Variants in TSPEAR observed in about 807,000 individuals in gnomAD.
The protein encoded by TSPEAR is thrombospondin type laminin G domain and EAR repeats.
In TSPEAR, 69 loss-of-function variants were observed where a neutral mutation model predicts 71.6. The observed-to-expected ratio is 0.96, with a 90% CI of 0.79 to 1.18. The LOEUF (loss-of-function observed/expected upper bound fraction) is 1.18. Among genes scored for constraint, TSPEAR ranks in the 50% most tolerant of loss-of-function variants. The pLI is 0.00. For synonymous variants in TSPEAR, 402 were observed against 387.2 expected (o/e 1.04, Z -0.45); for missense variants, 971 against 894.9 (o/e 1.09, Z -1.09).
rs587731682 is a variant in TSPEAR at position 44,532,591 on chromosome 21, A to G, written c.542+1094T>C. ...ATATTTATGCGATAAGTTTCATAACAAAACAGAAGATCCTACCTTTGAAAG... is the reference window on the plus strand; with the variant it reads ...ATATTTATGCGATAAGTTTCATAACGAAACAGAAGATCCTACCTTTGAAAG... On this transcript the variant is annotated intron_variant, in intron 3 of 11. Transcript: ENST00000323084. Among the ~76,000 whole-genome samples, 25 of 152,400 alleles carry G rather than the reference A, an allele frequency of 1.6e-4. No individual in the cohort carries two copies. The East Asian group carries it at 3.8e-3, about 23-fold the overall frequency.
At chr21:44,668,747 C>A (rs1160519359) in intron 1 of TSPEAR, among the ~76,000 whole-genome samples, 1 of 152,158 alleles carries the variant, frequency 6.6e-6, no homozygotes, top group East Asian at 1.9e-4. Flanking sequence ...CAACTACAGT[C>A]AAATAATTTT....
At chr21:44,705,776 G>T (rs1294870349) in intron 1 of TSPEAR, among the ~76,000 whole-genome samples, 2 of 152,144 alleles carry the variant, frequency 1.3e-5, no homozygotes, top group African/African-American at 4.8e-5. Context: ...TTTTAATTTC[G>T]CCTTGGAGCT....
intron 1 of TSPEAR, among the ~76,000 whole-genome samples, chr21:44,693,646 AAT>A (rs1987209103): frequency 1.5e-5 from 1 of 67,814 alleles, no homozygotes; most frequent in Non-Finnish European, 2.9e-5. Flanking sequence ...GGATGGCTGT[AAT>A]TTTTTTTTTT....
chr21:44,538,274 G>A (rs1349819795), intron 2 of TSPEAR, among the ~76,000 whole-genome samples: 7 of 152,138 alleles, frequency 4.6e-5, no homozygotes, highest in Admixed American at 2.6e-4. Context: ...CCCCGCTGAC[G>A]GCCTTTCCCA....
chr21:44,610,056 T>C (rs587732304), intron 1 of TSPEAR, among the ~76,000 whole-genome samples: 3 of 152,284 alleles, frequency 2.0e-5, no homozygotes, highest in South Asian at 4.1e-4. Context: ...GAGGGATGCA[T>C]GCCAGAGAGA....
At chr21:44,679,946 A>G (rs55929251) in intron 1 of TSPEAR, among the ~76,000 whole-genome samples, 8,331 of 152,260 alleles carry the variant, frequency 0.055, 245 homozygotes, top group Middle Eastern at 0.14. Context: ...AGAAGAAAAC[A>G]TAAATGAAAT....
intron 1 of TSPEAR, among the ~76,000 whole-genome samples, chr21:44,626,350 G>T (rs1400670770): frequency 6.6e-6 from 1 of 152,212 alleles, no homozygotes; most frequent in Admixed American, 6.5e-5. Flanking sequence ...TGACCTGGGG[G>T]TGTGTGATGG....
chr21:44,575,525 C>G (rs115458413), intron 1 of TSPEAR, among the ~76,000 whole-genome samples: 2 of 152,198 alleles, frequency 1.3e-5, no homozygotes, highest in African/African-American at 4.8e-5. Flanking sequence ...GACATGGACG[C>G]GGGGAGCCTT....
chr21:44,671,085 C>T (rs1601550267), intron 1 of TSPEAR, among the ~76,000 whole-genome samples: 2 of 152,228 alleles, frequency 1.3e-5, no homozygotes, highest in African/African-American at 4.8e-5. Context: ...CCCCCCCAAC[C>T]CATTCTACCA....
At chr21:44,564,438 A>G (rs932496963) in intron 2 of TSPEAR, among the ~76,000 whole-genome samples, 4 of 152,182 alleles carry the variant, frequency 2.6e-5, no homozygotes, top group African/African-American at 9.6e-5. Context: ...GTAAACAGAA[A>G]GAGATAAACT....
rs201221839 is a variant in TSPEAR, at chr21:44,630,774, G to GA, written c.83-62770dup. The stretch of plus-strand genomic sequence containing the variant: ...CACAGAGTCCAGCTATAAAGACTGG[G>GA]AAAAAAACATCTTTTGACTCCAGGT... On this transcript the variant is annotated intron_variant, in intron 1 of 11. Transcript: ENST00000323084. Among the ~76,000 whole-genome samples the GA allele has an allele frequency of 4.8e-3, 730 of 152,132 alleles. 7 individuals are homozygous for GA. Among genetic ancestry groups the GA allele is most frequent in the East Asian group, 0.014 (70 of 5,184 alleles).
At chr21:44,530,888 C>T (rs587734763) in intron 4 of TSPEAR, among the ~76,000 whole-genome samples, 155 bp downstream of exon 4, 95 of 152,318 alleles carry the variant, frequency 6.2e-4, no homozygotes, top group Non-Finnish European at 1.1e-3. Flanking sequence ...AAACAGCAAG[C>T]GTGAAGGCCC....
chr21:44,709,975 AG>A (rs1235801993), intron 1 of TSPEAR, among the ~76,000 whole-genome samples: 17 of 152,106 alleles, frequency 1.1e-4, no homozygotes, highest in Non-Finnish European at 2.4e-4. Flanking sequence ...TTCAGGGGAG[AG>A]GGGGAGGGCT....
At position 44,612,926 on chromosome 21, in the gene TSPEAR, C is replaced by A; in HGVS notation, c.83-44921G>T. The A allele has an allele frequency of 6.3e-7, 1 of 1,598,842 alleles. No individual in the cohort carries two copies. On this transcript the variant is annotated intron_variant, in intron 1 of 11. Transcript: ENST00000323084. The surrounding 1 kb of genome is among the most constrained non-coding windows in gnomAD (Gnocchi z 4.1). ...GTCCAGCTGCTGATGGGCACGTCCCCCAGGGCCAGCCGGCTCCGGTCCTGT... is the reference window on the plus strand; with the variant it reads ...GTCCAGCTGCTGATGGGCACGTCCCACAGGGCCAGCCGGCTCCGGTCCTGT...
intron 1 of TSPEAR, among the ~76,000 whole-genome samples, chr21:44,680,143 A>G (rs1555947691): frequency 6.6e-6 from 1 of 152,252 alleles, no homozygotes; most frequent in Non-Finnish European, 1.5e-5. Context: ...TGCATCTGAC[A>G]AGTGACTAAT....
chr21:44,680,214 TAATA>T (rs1171290050), intron 1 of TSPEAR, among the ~76,000 whole-genome samples: 2 of 152,012 alleles, frequency 1.3e-5, no homozygotes, highest in African/African-American at 4.8e-5. Flanking sequence ...ATAATTCCAT[TAATA>T]AATGGGCAAA....
At chr21:44,651,291 C>T (rs1207812368) in intron 1 of TSPEAR, among the ~76,000 whole-genome samples, 1 of 152,166 alleles carries the variant, frequency 6.6e-6, no homozygotes, top group Non-Finnish European at 1.5e-5. Flanking sequence ...AGACAGCTCA[C>T]GGCTGTGGCT....
intron 1 of TSPEAR, among the ~76,000 whole-genome samples, chr21:44,589,946 T>A (rs587618801): frequency 1.3e-5 from 2 of 152,346 alleles, no homozygotes; most frequent in East Asian, 3.9e-4. Context: ...AGAAAACATC[T>A]CTGCCCCTGG....
intron 1 of TSPEAR, among the ~76,000 whole-genome samples, chr21:44,644,719 T>C (rs587624959): frequency 7.2e-5 from 11 of 152,250 alleles, no homozygotes; most frequent in Admixed American, 5.2e-4. Flanking sequence ...GGATAACATA[T>C]TTCATTCATC....
Sources: gnomAD v4.1 joint callset for allele counts (sites outside exome capture counted in the v4.1 genomes callset) on GRCh38, gnomAD v4.1.1 for gene constraint, Gnocchi (gnomAD v3.1) non-coding constraint, MANE v1.5 for transcripts, NCBI Gene and HGNC (gene_info 2026-07-23, HGNC 2026-07-21) for gene names.